TCF7L2: variants seen among roughly 807,000 people sequenced by gnomAD.
TCF7L2 encodes transcription factor 7-like 2.
In TCF7L2, 23 loss-of-function variants were observed where a neutral mutation model predicts 77.9. The ratio of observed to expected loss-of-function variants is 0.30; its 90% CI spans 0.21 to 0.42. The LOEUF is 0.42. Ranked by LOEUF, TCF7L2 falls within the 10% of genes least tolerant of loss-of-function variation. The pLI is 1.00. For synonymous variants in TCF7L2, 413 were observed against 340.2 expected (o/e 1.21, Z -2.36); for missense variants, 654 against 793.1 (o/e 0.82, Z 2.11).
intron 5 of TCF7L2, among the ~76,000 whole-genome samples, chr10:113,092,017 A>G (rs996903644): frequency 3.3e-5 from 5 of 152,232 alleles, no homozygotes; most frequent in Non-Finnish European, 2.9e-5. Context: ...CTATTCTCCC[A>G]TCAGAGCCTG....
intron 4 of TCF7L2, among the ~76,000 whole-genome samples, chr10:112,995,002 G>A (rs1387435050): frequency 6.6e-6 from 1 of 152,166 alleles, no homozygotes; most frequent in Non-Finnish European, 1.5e-5. Flanking sequence ...CAGGAGGCTT[G>A]AGGCAGGAGA....
chr10:113,040,503 A>G lies in TCF7L2; in HGVS notation c.552+377A>G, dbSNP rs573762593. Among the ~76,000 whole-genome samples, 23 of 152,316 alleles carry G rather than the reference A, an allele frequency of 1.5e-4. No individual in the cohort carries two copies. In the South Asian group the frequency reaches 4.8e-3, roughly 32 times the overall value. On this transcript the variant is annotated intron_variant, in intron 5 of 13. Coordinates refer to ENST00000627217, the MANE Select transcript of TCF7L2 (RefSeq NM_001146274.2). The stretch of plus-strand genomic sequence containing the variant: ...GAAGAAGAGGGAATTAGAAAACTCA[A>G]AAGGGGGTCCTGGATTTGAAACTTG...
intron 4 of TCF7L2, among the ~76,000 whole-genome samples, chr10:113,033,822 A>G (rs1328895692): frequency 6.6e-6 from 1 of 152,204 alleles, no homozygotes; most frequent in African/African-American, 2.4e-5. Context: ...ATCTGCAGAA[A>G]AGTTGGTTAA....
intron 4 of TCF7L2, among the ~76,000 whole-genome samples, chr10:113,020,851 T>C (rs1392551136): frequency 6.6e-6 from 1 of 152,046 alleles, no homozygotes; most frequent in East Asian, 1.9e-4. Flanking sequence ...AGGTGTTGTT[T>C]AATGGACTCT....
intron 7 of TCF7L2, among the ~76,000 whole-genome samples, chr10:113,145,760 T>C (rs1217906468): frequency 1.3e-5 from 2 of 152,204 alleles, no homozygotes. Context: ...TAGTTTCAGC[T>C]TGGGGAGAGG....
chr10:112,953,947 C>T (rs2032769662), intron 3 of TCF7L2, among the ~76,000 whole-genome samples: 1 of 152,192 alleles, frequency 6.6e-6, no homozygotes, highest in Non-Finnish European at 1.5e-5. Context: ...ACTGCCCCTT[C>T]GTCCTTCCTC....
At chr10:113,053,938 C>T (rs1208569518) in intron 5 of TCF7L2, among the ~76,000 whole-genome samples, 2 of 152,228 alleles carry the variant, frequency 1.3e-5, no homozygotes, top group Non-Finnish European at 2.9e-5. Context: ...AGGAGTCTCA[C>T]ATCGGAGCCA....
intron 5 of TCF7L2, among the ~76,000 whole-genome samples, chr10:113,066,097 T>C (rs982058547): frequency 1.3e-5 from 2 of 152,202 alleles, no homozygotes; most frequent in Non-Finnish European, 2.9e-5. Context: ...ACGCGGTGGC[T>C]CATGCCTGTA....
intron 5 of TCF7L2, among the ~76,000 whole-genome samples, chr10:113,137,193 G>C (rs559823566): frequency 6.9e-4 from 105 of 152,198 alleles, no homozygotes; most frequent in African/African-American, 2.4e-3. Context: ...GAATGATCTT[G>C]CCCCATAAAC....
At chr10:112,973,743 C>T (rs188736156) in intron 4 of TCF7L2, among the ~76,000 whole-genome samples, 2 of 152,224 alleles carry the variant, frequency 1.3e-5, no homozygotes, top group African/African-American at 4.8e-5. Flanking sequence ...GTTCTTGCCA[C>T]CACGCCCTGG....
intron 4 of TCF7L2, among the ~76,000 whole-genome samples, chr10:112,999,788 T>A (rs1042516661): frequency 6.6e-6 from 1 of 152,224 alleles, no homozygotes; most frequent in Non-Finnish European, 1.5e-5. Context: ...TATTTGTGGT[T>A]ACTCCTGTCT....
At chr10:113,130,999 C>G (rs1257056267) in intron 5 of TCF7L2, among the ~76,000 whole-genome samples, 3 of 152,104 alleles carry the variant, frequency 2.0e-5, no homozygotes, top group African/African-American at 7.2e-5. Flanking sequence ...CTCCTGACCT[C>G]AGGTGATCCG....
chr10:113,114,251 A>T (rs984841548), intron 5 of TCF7L2, among the ~76,000 whole-genome samples: 4 of 152,232 alleles, frequency 2.6e-5, no homozygotes, highest in Non-Finnish European at 5.9e-5. Flanking sequence ...GGAATATTGG[A>T]TGAATATTCC....
chr10:113,053,971 T>C (rs919485766), intron 5 of TCF7L2, among the ~76,000 whole-genome samples: 1 of 152,140 alleles, frequency 6.6e-6, no homozygotes, highest in East Asian at 1.9e-4. Context: ...TTCAGTGTTA[T>C]GCTGCCTTAA....
chr10:112,988,486 A>G (rs1408722742), intron 4 of TCF7L2, among the ~76,000 whole-genome samples: 3 of 152,122 alleles, frequency 2.0e-5, no homozygotes, highest in Admixed American at 1.3e-4. Flanking sequence ...ACTAAATGAG[A>G]ATAGTGTGGG....
At chr10:113,106,052 C>T (rs2062270646) in intron 5 of TCF7L2, among the ~76,000 whole-genome samples, 1 of 152,118 alleles carries the variant, frequency 6.6e-6, no homozygotes, top group Non-Finnish European at 1.5e-5. Flanking sequence ...TGCAAATGGG[C>T]TCTGAGGTAC....
intron 4 of TCF7L2, among the ~76,000 whole-genome samples, chr10:112,983,572 C>CCTTT: frequency 6.6e-6 from 1 of 152,178 alleles, no homozygotes; most frequent in African/African-American, 2.4e-5. Flanking sequence ...TATTAACACT[C>CCTTT]CTTTCTTTCT....
chr10:112,990,625 G>C (rs1276189723), intron 4 of TCF7L2, among the ~76,000 whole-genome samples: 2 of 151,962 alleles, frequency 1.3e-5, no homozygotes, highest in East Asian at 3.9e-4. Flanking sequence ...GCGGGCGATT[G>C]AGCTCAGGAG....
At chr10:113,108,168 G>C (rs1323404396) in intron 5 of TCF7L2, among the ~76,000 whole-genome samples, 1 of 152,130 alleles carries the variant, frequency 6.6e-6, no homozygotes, top group Non-Finnish European at 1.5e-5. Context: ...GCTGGAGGTA[G>C]AATAATCAGG....
Sources: gnomAD v4.1 joint callset for allele counts (sites outside exome capture counted in the v4.1 genomes callset) on GRCh38, gnomAD v4.1.1 for gene constraint, MANE v1.5 for transcripts, NCBI Gene and HGNC (gene_info 2026-07-23, HGNC 2026-07-21) for gene names.